RAB38: variants seen among roughly 807,000 people sequenced by gnomAD.
The protein encoded by RAB38 is RAB38, member RAS oncogene family, also known as ras-related protein Rab-38.
In RAB38, 15 loss-of-function variants were observed where a neutral mutation model predicts 18.4. The ratio of observed to expected loss-of-function variants is 0.82; its 90% confidence interval spans 0.55 to 1.26. The LOEUF is 1.26. Ranked by LOEUF, RAB38 falls within the 50% of genes most tolerant of loss-of-function variation. The pLI is 0.00. For missense variants in RAB38, 294 were observed against 267.4 expected, an observed-to-expected ratio of 1.10 and a Z score of -0.69; for synonymous variants, 101 against 104.4, an observed-to-expected ratio of 0.97 and a Z score of 0.20.
At chr11:87,845,632 C>T in the RAB38 span, among the ~76,000 whole-genome samples, 5 of 152,064 alleles carry the variant, frequency 3.3e-5, no homozygotes, top group East Asian at 1.9e-4. Flanking sequence ...AAAAATTCAA[C>T]GTATATGGCT....
At chr11:88,033,141 A>G in the RAB38 span, among the ~76,000 whole-genome samples, 3 of 150,330 alleles carry the variant, frequency 2.0e-5, no homozygotes, top group Non-Finnish European at 4.4e-5. Context: ...AAAACCAAAC[A>G]CCGCATATTC....
chr11:88,053,791 C>CTTT, the RAB38 span, among the ~76,000 whole-genome samples: 1,620 of 139,054 alleles, frequency 0.012, 27 homozygotes, highest in South Asian at 0.045. Context: ...AGGACTTAAG[C>CTTT]TTTTTTTTTT....
At chr11:88,050,253 A>G in the RAB38 span, 1 of 152,228 alleles carries the variant, frequency 6.6e-6, no homozygotes, top group Non-Finnish European at 1.5e-5. Context: ...TGTACCCATG[A>G]GAGAGGTTTG....
At chr11:87,957,613 C>T in the RAB38 span, among the ~76,000 whole-genome samples, 6 of 152,152 alleles carry the variant, frequency 3.9e-5, no homozygotes, top group Non-Finnish European at 7.4e-5. Flanking sequence ...TGTGGCATTC[C>T]TCTCTCAGCA....
chr11:87,866,837 TAG>T, the RAB38 span, among the ~76,000 whole-genome samples: 1 of 151,820 alleles, frequency 6.6e-6, no homozygotes, highest in Non-Finnish European at 1.5e-5. Flanking sequence ...CAACTGAACA[TAG>T]AGAGTCAGGA....
At chr11:87,829,163 A>G in the RAB38 span, among the ~76,000 whole-genome samples, 1 of 152,226 alleles carries the variant, frequency 6.6e-6, no homozygotes, top group Non-Finnish European at 1.5e-5. Flanking sequence ...AGATGAGGAA[A>G]TGGAGGATTA....
chr11:88,023,776 CA>C, the RAB38 span, among the ~76,000 whole-genome samples: 1 of 152,004 alleles, frequency 6.6e-6, no homozygotes, highest in Non-Finnish European at 1.5e-5. Context: ...ACAAAGGTGC[CA>C]AGAACATACA....
chr11:87,872,913 A>G, the RAB38 span, among the ~76,000 whole-genome samples: 1 of 151,720 alleles, frequency 6.6e-6, no homozygotes, highest in Non-Finnish European at 1.5e-5. Context: ...AGGCTGCTAT[A>G]AACATTTATG....
the RAB38 span, among the ~76,000 whole-genome samples, chr11:88,004,467 A>C: frequency 6.6e-6 from 1 of 151,258 alleles, no homozygotes; most frequent in African/African-American, 2.4e-5. Context: ...AATATAAGGA[A>C]AGTTCCTCAA....
chr11:88,018,221 G>A, the RAB38 span, among the ~76,000 whole-genome samples: 1 of 152,004 alleles, frequency 6.6e-6, no homozygotes, highest in Admixed American at 6.6e-5. Flanking sequence ...ATTTCACTGA[G>A]CCAGTCTGTA....
the RAB38 span, among the ~76,000 whole-genome samples, chr11:88,018,721 A>G: frequency 6.6e-6 from 1 of 152,192 alleles, no homozygotes; most frequent in African/African-American, 2.4e-5. Flanking sequence ...TATAACCTCC[A>G]TATACATACT....
chr11:88,014,134 C>G, the RAB38 span, among the ~76,000 whole-genome samples: 98,853 of 151,980 alleles, frequency 0.65, 32,443 homozygotes, highest in East Asian at 0.75. Context: ...GAGAAATAAA[C>G]GGATTTATAA....
the RAB38 span, among the ~76,000 whole-genome samples, chr11:87,885,263 T>TATCCTATCTGA: frequency 2.7e-5 from 4 of 150,914 alleles, no homozygotes; most frequent in East Asian, 2.0e-4. Context: ...TGCTTTGGAT[T>TATCCTATCTGA]CAGTTGTACT....
downstream of RAB38, among the ~76,000 whole-genome samples, chr11:88,108,669 A>T (rs899392897): frequency 1.3e-5 from 2 of 151,744 alleles, no homozygotes; most frequent in Admixed American, 6.6e-5. Flanking sequence ...TTATGTGTGA[A>T]TTTGATCCTG....
At chr11:88,158,638 A>C (rs1943153776) in intron 1 of RAB38, among the ~76,000 whole-genome samples, 1 of 152,190 alleles carries the variant, frequency 6.6e-6, no homozygotes, top group Non-Finnish European at 1.5e-5. Flanking sequence ...AATGTGATTC[A>C]CTACATAAAC....
At chr11:87,970,394 A>G in the RAB38 span, among the ~76,000 whole-genome samples, 1 of 151,932 alleles carries the variant, frequency 6.6e-6, no homozygotes, top group Non-Finnish European at 1.5e-5. Flanking sequence ...TTGTTCTTCA[A>G]GGAGTGTTTT....
At chr11:88,074,437 T>A in the RAB38 span, among the ~76,000 whole-genome samples, 5 of 152,302 alleles carry the variant, frequency 3.3e-5, no homozygotes, top group South Asian at 1.0e-3. Flanking sequence ...ATTTCTTTGT[T>A]GATATTCTTT....
At chr11:88,010,128 T>C in the RAB38 span, among the ~76,000 whole-genome samples, 1 of 152,202 alleles carries the variant, frequency 6.6e-6, no homozygotes, top group South Asian at 2.1e-4. Flanking sequence ...CATGTTGCCA[T>C]CAAAGAGTTT....
intron 2 of RAB38, among the ~76,000 whole-genome samples, chr11:88,114,486 T>C (rs1942521541): frequency 6.6e-6 from 1 of 152,198 alleles, no homozygotes; most frequent in South Asian, 2.1e-4. Context: ...CTGACTTAGA[T>C]TTATAATTGC....
Sources: allele counts gnomAD v4.1 joint callset (sites outside exome capture counted in the v4.1 genomes callset), GRCh38; gene constraint gnomAD v4.1.1; transcripts MANE v1.5; gene names NCBI Gene and HGNC (gene_info 2026-07-23, HGNC 2026-07-21).